CNIH1: variants seen among roughly 807,000 people sequenced by gnomAD.
CNIH1 encodes cornichon family member 1.
In CNIH1, 12 loss-of-function variants were observed where a neutral mutation model predicts 20.2. The ratio of observed to expected loss-of-function variants is 0.59; its 90% CI spans 0.38 to 0.96. The LOEUF is 0.96. Among genes scored for constraint, CNIH1 ranks in the 40% least tolerant of loss-of-function variants. The probability of loss-of-function intolerance (pLI) is 0.00; values close to 1 mark genes in which losing one functional copy is unlikely to be tolerated. For synonymous variants in CNIH1, 69 were observed against 63.3 expected (o/e 1.09, Z -0.43); for missense variants, 152 against 178.8 (o/e 0.85, Z 0.85).
intron 1 of CNIH1, among the ~76,000 whole-genome samples, chr14:54,438,394 T>A (rs534910823): frequency 1.3e-3 from 195 of 152,350 alleles, no homozygotes; most frequent in African/African-American, 4.5e-3. Flanking sequence ...TTTGCAGCTA[T>A]GTGGCTGAGC....
chr14:54,431,972 A>G, intron 3 of CNIH1, 136 bp downstream of exon 3: 2 of 440,842 alleles, frequency 4.5e-6, no homozygotes, highest in Non-Finnish European at 8.0e-6. Context: ...TTGTTCACCC[A>G]CTTGATTTTT....
Position 54,427,912 on chromosome 14 carries a change from G to C in CNIH1, c.408-71C>G, listed in dbSNP as rs558074460. 1.9e-4 allele frequency: 273 copies of C among 1,440,234 alleles called. 3 individuals carry two copies. The South Asian group carries it at 2.9e-3, about 15-fold the overall frequency. 89.2% of individuals were successfully genotyped at this position (1,440,234 alleles called of 1,614,324 possible). A position where few individuals can be genotyped will look rare whatever the true frequency, so the allele number is the denominator to read the frequency against. The stretch of plus-strand genomic sequence containing the variant: ...AAAAAAAAACTCAGAGCATGAGAGA[G>C]TATGCTTTATATAGCAAACTAGTAT... On this transcript the variant is annotated intron_variant, in intron 4 of 4. Transcript: ENST00000216416.
In CNIH1 at chr14:54,432,202, G is replaced by A. The variant is rs534324930; in HGVS notation, c.169C>T (p.Leu57Phe). 2 of 1,545,826 alleles carry A rather than the reference G, an allele frequency of 1.3e-6. No homozygotes were observed. The highest frequency in any genetic ancestry group is 1.4e-5 in the African/African-American group (1 of 73,152). Residue 57 changes from leucine (L) to phenylalanine (F), a missense_variant, in exon 3 of 5, where the codon CTC becomes TTC. Leu to Phe is a conservative substitution (Grantham distance 22). This residue lies in a region of CNIH1 where 97 missense variants were observed against 100.6 expected (regional missense o/e 0.96). Transcript: ENST00000216416. Reference protein sequence around the residue: ...TLNPLVLPEYLIHAFFCVMFL... With the variant: ...TLNPLVLPEYFIHAFFCVMFL... ...ATGACACAGAAGAAAGCGTGGATGAGGTACTCTGGGAGTACAAGCTGGAAG... is the reference window on the plus strand; with the variant it reads ...ATGACACAGAAGAAAGCGTGGATGAAGTACTCTGGGAGTACAAGCTGGAAG...
In CNIH1 at chr14:54,425,078, T is replaced by G. The variant is rs926504465; in HGVS notation, c.*2736A>C. The G allele has an allele frequency of 1.3e-5, 2 of 152,204 alleles. No homozygotes were observed. Among genetic ancestry groups the G allele is most frequent in the Admixed American group, 6.6e-5 (1 of 15,264 alleles). The allele number at this position is 152,204 out of a possible 1,614,324, so 9.4% of individuals were successfully genotyped here. ...CATTGAGAAAACTGTCAAACATCAT[T>G]AATAACATTTGGATATGAGTGTTCA... is the stretch of plus-strand genomic sequence containing the variant. On this transcript the variant is annotated 3_prime_UTR_variant, in exon 5 of 5. Transcript: ENST00000216416.
At chr14:54,438,850 T>G (rs576581766) in intron 1 of CNIH1, among the ~76,000 whole-genome samples, 1 of 152,124 alleles carries the variant, frequency 6.6e-6, no homozygotes, top group South Asian at 2.1e-4. Context: ...TGGTTTGGTG[T>G]CATCTTGGAG....
At position 54,441,367 on chromosome 14, in the gene CNIH1, G is replaced by A; in HGVS notation, c.-40C>T. On this transcript the variant is annotated 5_prime_UTR_variant, in exon 1 of 5. Coordinates refer to ENST00000216416, the MANE Select transcript of CNIH1 (RefSeq NM_005776.3). ...AGCGGGGAGCGGCGCCGTTGCCAGCGGAGAAAGGCGGCGCAGGGCCCTCTG... is the reference window on the plus strand; with the variant it reads ...AGCGGGGAGCGGCGCCGTTGCCAGCAGAGAAAGGCGGCGCAGGGCCCTCTG... 1.4e-6 allele frequency: 2 copies of A among 1,470,322 alleles called. No individual in the cohort carries two copies. The highest frequency in any genetic ancestry group is 9.1e-7 in the Non-Finnish European group (1 of 1,098,940). The allele number at this position is 1,470,322 out of a possible 1,614,324, so 91.1% of individuals were successfully genotyped here.
chr14:54,441,344 C>T lies in CNIH1; in HGVS notation c.-17G>A, dbSNP rs986817443. 10 of 1,487,782 alleles carry T rather than the reference C, an allele frequency of 6.7e-6. No homozygotes were observed. Among genetic ancestry groups the T allele is most frequent in the South Asian group, 1.3e-5 (1 of 78,474 alleles). 92.2% of individuals were successfully genotyped at this position (1,487,782 alleles called of 1,614,324 possible). A position where few individuals can be genotyped will look rare whatever the true frequency, so the allele number is the denominator to read the frequency against. On this transcript the variant is annotated 5_prime_UTR_variant, in exon 1 of 5. Transcript: ENST00000216416. ...GAACGCCATGGCTGGGGAGGAGGAG[C>T]GGGGAGCGGCGCCGTTGCCAGCGGA...
rs760979618 is a variant in CNIH1 at position 54,436,467 on chromosome 14, C to A, written c.82-30G>T. 6 of 1,233,984 alleles carry A rather than the reference C, an allele frequency of 4.9e-6. No individual in the cohort carries two copies. The East Asian group carries it at 1.4e-4, about 29-fold the overall frequency. 76.4% of individuals were successfully genotyped at this position (1,233,984 alleles called of 1,614,324 possible). A position where few individuals can be genotyped will look rare whatever the true frequency, so the allele number is the denominator to read the frequency against. ...AATAAAATTAAAACAGTTAGGACCA[C>A]TCACTTTAATTAAAAGCAGCAACAA... On this transcript the variant is annotated intron_variant, in intron 1 of 4. Transcript: ENST00000216416.
rs1228617670 is a variant in CNIH1, at chr14:54,424,630, A to G, written c.*3184T>C. ...ATTTTGCTGGTTTCAAAGCACATAC[A>G]ACTTTATTTCCTTTCTATGTAAATA... On this transcript the variant is annotated 3_prime_UTR_variant, in exon 5 of 5. Transcript: ENST00000216416. 1 of 152,244 alleles carries G rather than the reference A, an allele frequency of 6.6e-6. No homozygotes were observed. Among genetic ancestry groups the G allele is most frequent in the African/African-American group, 2.4e-5 (1 of 41,470 alleles). The allele number at this position is 152,244 out of a possible 1,614,324, so 9.4% of individuals were successfully genotyped here.
Position 54,432,215 on chromosome 14 carries a change from T to A in CNIH1, c.156A>T (p.Val52=). The stretch of plus-strand genomic sequence containing the variant: ...AAGCGTGGATGAGGTACTCTGGGAG[T>A]ACAAGCTGGAAGGAAAACACAAGCC... ...IDQCNTLNPL[V]LPEYLIHAFF... The change falls in exon 3 of 5, where the codon GTA becomes GTT. Residue 52 remains valine, a synonymous_variant. Transcript: ENST00000216416. 3 of 1,527,416 alleles carry A rather than the reference T, an allele frequency of 2.0e-6. No individual in the cohort carries two copies. Among genetic ancestry groups the A allele is most frequent in the Non-Finnish European group, 2.6e-6 (3 of 1,134,068 alleles). The allele number at this position is 1,527,416 out of a possible 1,614,324, so 94.6% of individuals were successfully genotyped here.
intron 2 of CNIH1, among the ~76,000 whole-genome samples, chr14:54,434,312 CAT>C (rs1263143531): frequency 2.6e-5 from 4 of 152,190 alleles, no homozygotes; most frequent in African/African-American, 7.2e-5. Context: ...GTCCCAAGCA[CAT>C]GTCTCTTCTC....
chr14:54,430,574 GC>G (rs980302207), intron 3 of CNIH1, among the ~76,000 whole-genome samples, 170 bp from the exon 4 acceptor site: 3 of 152,164 alleles, frequency 2.0e-5, no homozygotes, highest in African/African-American at 7.2e-5. Context: ...TAAAAGTAGA[GC>G]CCCTAAATGA....
chr14:54,436,290 C>A, intron 2 of CNIH1, 79 bp downstream of exon 2: 1 of 827,406 alleles, frequency 1.2e-6, no homozygotes, highest in Non-Finnish European at 2.1e-6. Flanking sequence ...ACTCAGAATA[C>A]TGGCCATTTT....
intron 4 of CNIH1, 65 bp from the exon 5 acceptor site, chr14:54,427,906 G>T (rs1358461370): frequency 4.1e-6 from 6 of 1,470,594 alleles, no homozygotes; most frequent in Admixed American, 1.7e-5. Context: ...CTCAGAGCAT[G>T]AGAGAGTATG....
rs931978178 is a variant in CNIH1, at chr14:54,423,790, G to C, written c.*4024C>G. Reference sequence around the variant, plus strand: ...ACTTCTCCAGAATACATGAACATGGGAACCAAAGAAATGTAAATATTTCGA... The same window carrying C: ...ACTTCTCCAGAATACATGAACATGGCAACCAAAGAAATGTAAATATTTCGA... On this transcript the variant is annotated 3_prime_UTR_variant, in exon 5 of 5. Coordinates refer to ENST00000216416, the MANE Select transcript of CNIH1 (RefSeq NM_005776.3). 2.0e-5 allele frequency: 3 copies of C among 152,118 alleles called. No homozygotes were observed. Among genetic ancestry groups the C allele is most frequent in the African/African-American group, 7.2e-5 (3 of 41,432 alleles). The allele number at this position is 152,118 out of a possible 1,614,324, so 9.4% of individuals were successfully genotyped here.
Position 54,441,277 on chromosome 14 carries a change from A to T in CNIH1, c.51T>A (p.Thr17=). ...AFCYMLALLL[T]AALIFFAIWH... is the part of the protein sequence containing the mutation. ...AAATGGCGAAGAAGATGAGCGCGGC[A>T]GTGAGCAGCAGCGCCAGCATGTAGC... Residue 17 remains threonine (T), a synonymous_variant, in exon 1 of 5, where the codon ACT becomes ACA. Transcript: ENST00000216416. 3.3e-6 allele frequency: 5 copies of T among 1,521,522 alleles called. No individual in the cohort carries two copies. The highest frequency in any genetic ancestry group is 4.4e-6 in the Non-Finnish European group (5 of 1,131,994). 94.3% of individuals were successfully genotyped at this position (1,521,522 alleles called of 1,614,324 possible).
At chr14:54,440,671 C>A (rs1456888758) in intron 1 of CNIH1, among the ~76,000 whole-genome samples, 1 of 152,104 alleles carries the variant, frequency 6.6e-6, no homozygotes, top group Admixed American at 6.5e-5. Context: ...ACAAAGTAAT[C>A]AATTGAACTT....
chr14:54,441,053 C>A (rs1012563254), intron 1 of CNIH1, among the ~76,000 whole-genome samples, 194 bp downstream of exon 1: 1 of 151,758 alleles, frequency 6.6e-6, no homozygotes, highest in Non-Finnish European at 1.5e-5. Context: ...GCGGGCGCGT[C>A]CACCTGGCGA....
chr14:54,441,017 G>A (rs529577204), intron 1 of CNIH1, among the ~76,000 whole-genome samples: 1 of 151,930 alleles, frequency 6.6e-6, no homozygotes, highest in African/African-American at 2.4e-5. Context: ...AGGAGTAGCG[G>A]TGCGCGCGGC....
Sources: allele counts gnomAD v4.1 joint callset (sites outside exome capture counted in the v4.1 genomes callset), GRCh38; gene constraint gnomAD v4.1.1; regional missense constraint gnomAD v4.1.1; transcripts MANE v1.5; gene names NCBI Gene and HGNC (gene_info 2026-07-23, HGNC 2026-07-21).